The following BRDT variants were observed in gnomAD, a reference collection of about 807,000 sequenced individuals.
The protein encoded by BRDT is bromodomain testis associated.
Under a neutral mutation model 113.9 loss-of-function variants are expected in BRDT, and 77 were observed. The observed-to-expected ratio is 0.68, with a 90% CI of 0.56 to 0.82. The LOEUF is 0.82. Among genes scored for constraint, BRDT ranks in the 40% least tolerant of loss-of-function variants. The probability of loss-of-function intolerance (pLI) is 0.00; values close to 1 mark genes in which losing one functional copy is unlikely to be tolerated. For synonymous variants in BRDT, 358 were observed against 366.5 expected, an observed-to-expected ratio of 0.98 and a Z score of 0.26; for missense variants, 1,027 against 1,105.4, an observed-to-expected ratio of 0.93 and a Z score of 1.01.
chr1:92,006,316 C>T (rs1198269516), intron 18 of BRDT, among the ~76,000 whole-genome samples: 1 of 152,036 alleles, frequency 6.6e-6, no homozygotes, highest in African/African-American at 2.4e-5. Flanking sequence ...TTAAAATAGG[C>T]ACTTCACCTT....
chr1:91,963,401 AAG>A (rs776051924), intron 2 of BRDT, among the ~76,000 whole-genome samples: 25 of 152,320 alleles, frequency 1.6e-4, no homozygotes, highest in Non-Finnish European at 2.9e-4. Context: ...TCCAAGAAAA[AAG>A]CTTATTTTTC....
intron 12 of BRDT, among the ~76,000 whole-genome samples, chr1:91,989,870 C>T (rs1685610658): frequency 6.6e-6 from 1 of 152,148 alleles, no homozygotes; most frequent in Non-Finnish European, 1.5e-5. Context: ...CAATGTCCAG[C>T]ATCAAACATT....
chr1:91,950,853 C>T (rs1680984722), intron 1 of BRDT: 1 of 152,030 alleles, frequency 6.6e-6, no homozygotes, highest in East Asian at 1.9e-4. Flanking sequence ...GGCGAAACCC[C>T]ATCTCTACTA....
intron 12 of BRDT, among the ~76,000 whole-genome samples, chr1:91,984,038 T>C (rs184947616): frequency 1.2e-4 from 18 of 152,358 alleles, no homozygotes; most frequent in Non-Finnish European, 1.9e-4. Flanking sequence ...CAAGGTCAAT[T>C]TGTCTTCTGA....
At chr1:91,971,652 CAA>C (rs2101624686) in intron 4 of BRDT, among the ~76,000 whole-genome samples, 1 of 152,300 alleles carries the variant, frequency 6.6e-6, no homozygotes, top group Admixed American at 6.5e-5. Context: ...GTGAATAAAA[CAA>C]AAACTTTGCC....
At chr1:91,995,972 T>C (rs1469311783) in intron 15 of BRDT, among the ~76,000 whole-genome samples, 1 of 152,128 alleles carries the variant, frequency 6.6e-6, no homozygotes, top group Non-Finnish European at 1.5e-5. Context: ...GGAATGGAGA[T>C]CAATGGAGAA....
At chr1:91,957,954 C>T (rs1475004703) in intron 1 of BRDT, among the ~76,000 whole-genome samples, 1 of 152,090 alleles carries the variant, frequency 6.6e-6, no homozygotes, top group East Asian at 1.9e-4. Flanking sequence ...ATTCTTGTGC[C>T]TCAGCCTCCA....
intron 1 of BRDT, among the ~76,000 whole-genome samples, chr1:91,961,473 A>AT (rs1375328848): frequency 5.3e-5 from 8 of 151,788 alleles, no homozygotes; most frequent in Non-Finnish European, 1.5e-5. Context: ...CTACAAAAAA[A>AT]TACAAAAATT....
intron 3 of BRDT, among the ~76,000 whole-genome samples, chr1:91,967,018 G>A (rs975406898): frequency 2.6e-5 from 4 of 152,130 alleles, no homozygotes; most frequent in African/African-American, 9.7e-5. Context: ...GCAGTGAGCC[G>A]AGATTGCGCC....
intron 12 of BRDT, among the ~76,000 whole-genome samples, chr1:91,987,558 G>A (rs973891775): frequency 6.6e-6 from 1 of 151,576 alleles, no homozygotes; most frequent in East Asian, 2.0e-4. Flanking sequence ...GGCTGGTCTC[G>A]AACACCTGAC....
chr1:91,988,288 T>TGG (rs1413327787), intron 12 of BRDT, among the ~76,000 whole-genome samples: 1 of 152,246 alleles, frequency 6.6e-6, no homozygotes, highest in Non-Finnish European at 1.5e-5. Flanking sequence ...GTGCATATAT[T>TGG]ATCCACTTTG....
Position 91,991,227 on chromosome 1 carries a change from T to C in BRDT, c.2046T>C (p.Pro682=). The change falls in exon 13 of 19, where the codon CCT becomes CCC. Residue 682 remains proline, a synonymous_variant. Coordinates refer to ENST00000399546, the MANE Select transcript of BRDT (RefSeq NM_207189.4). The part of the protein sequence containing the change: ...KFTEVKPNDS[P]SKENVKKMKN... ...CAGAAGTAAAACCAAATGATTCTCCTTCTAAAGAGAATGTAAAGGTAAGTG... is the reference window on the plus strand; with the variant it reads ...CAGAAGTAAAACCAAATGATTCTCCCTCTAAAGAGAATGTAAAGGTAAGTG... 6.4e-7 allele frequency: 1 copy of C among 1,550,620 alleles called. No individual in the cohort carries two copies. The highest frequency in any genetic ancestry group is 1.4e-5 in the African/African-American group (1 of 73,228).
intron 1 of BRDT, among the ~76,000 whole-genome samples, chr1:91,960,307 A>G (rs1177567034): frequency 6.6e-6 from 1 of 152,238 alleles, no homozygotes; most frequent in Non-Finnish European, 1.5e-5. Context: ...AGTGGCATCA[A>G]TGAATGAATG....
Position 91,977,383 on chromosome 1 carries a change from GA to G in BRDT, c.961del (p.Thr321LeufsTer23). On this transcript the variant is annotated frameshift_variant, in exon 6 of 19. Coordinates refer to ENST00000399546, the MANE Select transcript of BRDT (RefSeq NM_207189.4). LOFTEE classifies it high-confidence loss of function. ...GTTGTCAAAAATCCGATGGATCTTG[GA>G]ACTATTAAGGTAAATGTTGCCTTAA... is the stretch of plus-strand genomic sequence containing the variant. Reference protein sequence around the residue: ...YDVVKNPMDLGTIKEKMDNQE... With the variant: ...YDVVKNPMDLXTIKEKMDNQE... The G allele has an allele frequency of 1.3e-6, 2 of 1,577,742 alleles. No homozygotes were observed. The highest frequency in any genetic ancestry group is 1.7e-6 in the Non-Finnish European group (2 of 1,163,534).
intron 1 of BRDT, chr1:91,957,676 T>G (rs1162961472): frequency 6.6e-6 from 1 of 152,144 alleles, no homozygotes; most frequent in East Asian, 1.9e-4. Flanking sequence ...TCTGTTTTGG[T>G]GTACATTCCA....
intron 1 of BRDT, among the ~76,000 whole-genome samples, chr1:91,954,751 G>A (rs1681546805): frequency 6.6e-6 from 1 of 151,888 alleles, no homozygotes; most frequent in Non-Finnish European, 1.5e-5. Context: ...AGAACCAAGA[G>A]TTTAATAAGA....
chr1:92,009,873 G>C (rs971692436), intron 18 of BRDT, among the ~76,000 whole-genome samples: 1 of 151,928 alleles, frequency 6.6e-6, no homozygotes, highest in Non-Finnish European at 1.5e-5. Flanking sequence ...GCCTGGCCCT[G>C]CCTTCAATTT....
intron 1 of BRDT, among the ~76,000 whole-genome samples, chr1:91,953,422 G>A (rs1681349904): frequency 1.3e-5 from 2 of 152,166 alleles, no homozygotes; most frequent in Admixed American, 1.3e-4. Context: ...GCTCACGCCT[G>A]TAATCCCAGC....
intron 18 of BRDT, among the ~76,000 whole-genome samples, chr1:92,013,433 A>C (rs1687978530): frequency 6.6e-6 from 1 of 152,184 alleles, no homozygotes; most frequent in Non-Finnish European, 1.5e-5. Context: ...AACTGATTGC[A>C]AATTGGTGCT....
Sources: allele counts gnomAD v4.1 joint callset (sites outside exome capture counted in the v4.1 genomes callset), GRCh38; gene constraint gnomAD v4.1.1; transcripts MANE v1.5; gene names NCBI Gene and HGNC (gene_info 2026-07-23, HGNC 2026-07-21).